Variants in PCDHGA1 observed in about 807,000 individuals in gnomAD.
PCDHGA1 encodes the protein protocadherin gamma-A1.
Under a neutral mutation model 58.0 loss-of-function variants are expected in PCDHGA1, and 32 were observed. The ratio of observed to expected loss-of-function variants is 0.55; its 90% CI spans 0.42 to 0.74. PCDHGA1 has a LOEUF of 0.74. PCDHGA1 is among the 30% of genes least tolerant of loss of function. The pLI, the probability that PCDHGA1 is intolerant of heterozygous loss-of-function variation, is 0.00. For missense variants in PCDHGA1, 1,205 were observed against 1,182.3 expected (o/e 1.02, Z -0.28); for synonymous variants, 498 against 501.1 (o/e 0.99, Z 0.08).
chr5:141,409,711 A>T (rs768917889), intron 1 of PCDHGA1: 1 of 1,613,204 alleles, frequency 6.2e-7, no homozygotes, highest in Non-Finnish European at 8.5e-7. Flanking sequence ...CGGTGTCGTC[A>T]TACGTGTCAG....
chr5:141,497,326 T>C (rs1021730142), intron 2 of PCDHGA1, among the ~76,000 whole-genome samples: 1 of 152,060 alleles, frequency 6.6e-6, no homozygotes, highest in Non-Finnish European at 1.5e-5. Flanking sequence ...TGAAGCAGAA[T>C]TCACCATTGA....
chr5:141,385,231 A>G (rs1781024340), intron 1 of PCDHGA1: 1 of 1,614,136 alleles, frequency 6.2e-7, no homozygotes, highest in Non-Finnish European at 8.5e-7. Flanking sequence ...CTATGTAGAC[A>G]TGCTCATCAG....
At chr5:141,352,545 AT>A (rs769407740) in intron 1 of PCDHGA1, 106 of 1,613,832 alleles carry the variant, frequency 6.6e-5, no homozygotes, top group Non-Finnish European at 8.2e-5. Flanking sequence ...ACAGAGTTTA[AT>A]TCTCTCAACC....
rs70988800 is a variant in PCDHGA1 at position 141,379,889 on chromosome 5, C to CTTTTTTTTTTTTTTTTTTTTTTTTTTTTT, written c.2421+46786_2421+46814dup. On this transcript the variant is annotated intron_variant, in intron 1 of 3. Coordinates refer to ENST00000517417, the MANE Select transcript of PCDHGA1 (RefSeq NM_018912.3). The stretch of plus-strand genomic sequence containing the variant: ...CTTATTTTATGGTCTGTGAAAGCCT[C>CTTTTTTTTTTTTTTTTTTTTTTTTTTTTT]TTTTTTTTTTTTTTTTTTTTTTTTT... Among the ~76,000 whole-genome samples the CTTTTTTTTTTTTTTTTTTTTTTTTTTTTT allele has an allele frequency of 3.3e-4, 17 of 50,832 alleles. 3 individuals are homozygous for CTTTTTTTTTTTTTTTTTTTTTTTTTTTTT. Among genetic ancestry groups the CTTTTTTTTTTTTTTTTTTTTTTTTTTTTT allele is most frequent in the Non-Finnish European group, 5.0e-4 (13 of 25,882 alleles). 33.3% of individuals were successfully genotyped at this position (50,832 alleles called of 152,430 possible).
rs750940303 is a variant in PCDHGA1 at position 141,332,811 on chromosome 5, C to T, written c.2127C>T (p.Ile709=). 6.2e-7 allele frequency: 1 copy of T among 1,614,226 alleles called. No individual in the cohort carries two copies. Among genetic ancestry groups the T allele is most frequent in the East Asian group, 2.2e-5 (1 of 44,880 alleles). ...AVSCVFLAFV[I]VLLAHRLRRW... ...CCTGCGTCTTCCTGGCCTTCGTCATCGTGCTGCTGGCGCACAGGCTGCGGC... is the reference window on the plus strand; with the variant it reads ...CCTGCGTCTTCCTGGCCTTCGTCATTGTGCTGCTGGCGCACAGGCTGCGGC... Residue 709 remains isoleucine (I), a synonymous_variant, in exon 1 of 4, where the codon ATC becomes ATT. Transcript: ENST00000517417. This position sits in a 1 kb window ranked among gnomAD's most constrained non-coding sequence, Gnocchi z 4.6.
At chr5:141,385,495 T>C (rs1781231622) in intron 1 of PCDHGA1, 3 of 1,391,864 alleles carry the variant, frequency 2.2e-6, no homozygotes, top group African/African-American at 2.9e-5. Flanking sequence ...ACATAGGATA[T>C]AGTATTTCTT....
At chr5:141,355,336 G>A (rs1759805102) in intron 1 of PCDHGA1, 1 of 1,613,888 alleles carries the variant, frequency 6.2e-7, no homozygotes, top group African/African-American at 1.3e-5. Flanking sequence ...CTCAGTGGTG[G>A]GCAACATCGC....
In PCDHGA1 at chr5:141,491,737, G is replaced by A; in HGVS notation, c.2422-3070G>A. The A allele has an allele frequency of 6.2e-7, 1 of 1,600,586 alleles. No homozygotes were observed. Among genetic ancestry groups the A allele is most frequent in the Non-Finnish European group, 8.5e-7 (1 of 1,174,266 alleles). On this transcript the variant is annotated intron_variant, in intron 1 of 3. Coordinates refer to ENST00000517417, the MANE Select transcript of PCDHGA1 (RefSeq NM_018912.3). This position sits in a 1 kb window ranked among gnomAD's most constrained non-coding sequence, Gnocchi z 6.9. ...GGCGCCGCCCCGGGCGACCCCTGGG[G>A]GCGGCACTGGAGAAGCCGCCCGTCC...
At chr5:141,374,621 G>A (rs1261974648) in intron 1 of PCDHGA1, 1 of 1,613,482 alleles carries the variant, frequency 6.2e-7, no homozygotes, top group Non-Finnish European at 8.5e-7. Flanking sequence ...TCACTTCTCA[G>A]TGGACGTGCA....
chr5:141,379,238 A>C (rs1775465373), intron 1 of PCDHGA1: 1 of 152,242 alleles, frequency 6.6e-6, no homozygotes, highest in Non-Finnish European at 1.5e-5. Flanking sequence ...CTGAACCAAT[A>C]TTGTGGTATT....
intron 1 of PCDHGA1, chr5:141,426,709 A>G (rs1259104705): frequency 6.8e-6 from 3 of 443,800 alleles, no homozygotes; most frequent in South Asian, 3.1e-5. Flanking sequence ...TTACAAATCA[A>G]TGAACTAGCA....
chr5:141,370,392 G>GGGATGGGAAATAGCTCC, intron 1 of PCDHGA1: 1 of 1,544,790 alleles, frequency 6.5e-7, no homozygotes, highest in Non-Finnish European at 8.7e-7. Context: ...CGCAGAGAGC[G>GGGATGGGAAATAGCTCC]GGATGGGAAA....
rs140184617 is a variant in PCDHGA1, at chr5:141,405,523, G to A, written c.2421+72418G>A. ...CAACCTCCGCCTCCCAAATTCAAGC[G>A]ATTCTCCTGCCTCAGCCTCCCAAGT... is the stretch of plus-strand genomic sequence containing the variant. On this transcript the variant is annotated intron_variant, in intron 1 of 3. Transcript: ENST00000517417. 5.4e-4 allele frequency: 366 copies of A among 679,318 alleles called. 4 individuals carry two copies. In the East Asian group the frequency reaches 9.7e-3, roughly 18 times the overall value. The allele number at this position is 679,318 out of a possible 1,614,324, so 42.1% of individuals were successfully genotyped here.
intron 1 of PCDHGA1, chr5:141,371,144 T>C: frequency 6.2e-7 from 1 of 1,614,014 alleles, no homozygotes; most frequent in Non-Finnish European, 8.5e-7. Flanking sequence ...ACAGGGTCAA[T>C]GTTGCAGAGA....
chr5:141,422,874 G>C (rs763219526), intron 1 of PCDHGA1: 56 of 1,614,134 alleles, frequency 3.5e-5, no homozygotes, highest in Non-Finnish European at 1.0e-5. Flanking sequence ...ACGTGTCGCT[G>C]AGCCTGTTCG....
chr5:141,436,921 C>T lies in PCDHGA1; in HGVS notation c.2422-57886C>T, dbSNP rs73794904. Among the ~76,000 whole-genome samples the T allele has an allele frequency of 9.3e-3, 1,413 of 152,246 alleles. 25 individuals carry two copies. The highest frequency in any genetic ancestry group is 0.032 in the African/African-American group (1,313 of 41,572). On this transcript the variant is annotated intron_variant, in intron 1 of 3. Coordinates refer to ENST00000517417, the MANE Select transcript of PCDHGA1 (RefSeq NM_018912.3). ...ATATGAGACAATTTTGTGAGTGTTA[C>T]TTTTTCTTTGTCTGAACCATAGTGA...
chr5:141,426,090 T>G (rs545457395), intron 1 of PCDHGA1, among the ~76,000 whole-genome samples: 1 of 152,246 alleles, frequency 6.6e-6, no homozygotes, highest in African/African-American at 2.4e-5. Context: ...CAGGACGATA[T>G]TCTGTTCAGT....
At chr5:141,466,201 T>C (rs985163022) in intron 1 of PCDHGA1, among the ~76,000 whole-genome samples, 1 of 152,006 alleles carries the variant, frequency 6.6e-6, no homozygotes, top group African/African-American at 2.4e-5. Context: ...GACACAGCCT[T>C]GCTCTGTTAC....
chr5:141,485,949 T>C lies in PCDHGA1; in HGVS notation c.2422-8858T>C. Reference sequence around the variant, plus strand: ...GTGTTGGAGAGCGCACCAGCGGGCATGGTGCTCATCCAGCTCAATGCCTCA... The same window carrying C: ...GTGTTGGAGAGCGCACCAGCGGGCACGGTGCTCATCCAGCTCAATGCCTCA... On this transcript the variant is annotated intron_variant, in intron 1 of 3. Transcript: ENST00000517417. This position sits in a 1 kb window ranked among gnomAD's most constrained non-coding sequence, Gnocchi z 5.7. 2 of 1,614,178 alleles carry C rather than the reference T, an allele frequency of 1.2e-6. No individual in the cohort carries two copies.
Sources: gnomAD v4.1 joint callset for allele counts (sites outside exome capture counted in the v4.1 genomes callset) on GRCh38, gnomAD v4.1.1 for gene constraint, Gnocchi (gnomAD v3.1) non-coding constraint, MANE v1.5 for transcripts, NCBI Gene and HGNC (gene_info 2026-07-23, HGNC 2026-07-21) for gene names.